PALM: variants seen among roughly 807,000 people sequenced by gnomAD.
PALM encodes the protein paralemmin-1.
In PALM, 18 loss-of-function variants were observed where a neutral mutation model predicts 30.7. The ratio of observed to expected loss-of-function variants is 0.59; its 90% confidence interval spans 0.41 to 0.87. The LOEUF (loss-of-function observed/expected upper bound fraction) is 0.87, where lower values mean the gene tolerates loss of function less well. Ranked by LOEUF, PALM falls within the 40% of genes least tolerant of loss-of-function variation. PALM has a pLI of 0.00. For missense variants in PALM, 529 were observed against 555.4 expected, an observed-to-expected ratio of 0.95 and a Z score of 0.48; for synonymous variants, 286 against 242.8, an observed-to-expected ratio of 1.18 and a Z score of -1.66.
chr19:728,221 G>C (rs1055105846), intron 4 of PALM, among the ~76,000 whole-genome samples: 2 of 152,210 alleles, frequency 1.3e-5, no homozygotes, highest in Non-Finnish European at 2.9e-5. Flanking sequence ...AATCCCTGTG[G>C]GGGCTGGGAC....
chr19:718,802 G>T (rs2032356239), intron 1 of PALM, among the ~76,000 whole-genome samples: 1 of 152,050 alleles, frequency 6.6e-6, no homozygotes, highest in South Asian at 2.1e-4. Flanking sequence ...AAGGGAAAGG[G>T]GAAGCTGGGA....
intron 1 of PALM, chr19:722,439 G>A (rs1280617216): frequency 6.6e-6 from 1 of 152,234 alleles, no homozygotes; most frequent in Non-Finnish European, 1.5e-5. Context: ...ATGTTGCCCA[G>A]GCTGGTCTCG....
At chr19:737,827 G>C (rs898455560) in intron 7 of PALM, among the ~76,000 whole-genome samples, 1 of 152,092 alleles carries the variant, frequency 6.6e-6, no homozygotes, top group African/African-American at 2.4e-5. Context: ...GATTGTTGAG[G>C]GCCCTGTGGC....
At chr19:715,758 T>C (rs2032235325) in intron 1 of PALM, among the ~76,000 whole-genome samples, 1 of 152,014 alleles carries the variant, frequency 6.6e-6, no homozygotes, top group African/African-American at 2.4e-5. Context: ...CAAGCCTTGA[T>C]TGTGGCTGCA....
Position 742,896 on chromosome 19 carries a change from C to T in PALM, c.634+2413C>T, listed in dbSNP as rs563670406. ...AAGTATTTGTTCACGCCCCTGCTTT[C>T]GAGGCCTTTGGGTGTACACGTAGGA... On this transcript the variant is annotated intron_variant, in intron 8 of 8. Coordinates refer to ENST00000338448, the MANE Select transcript of PALM (RefSeq NM_002579.3). This position sits in a 1 kb window ranked among gnomAD's most constrained non-coding sequence, Gnocchi z 5.5. Among the ~76,000 whole-genome samples, 1 of 152,278 alleles carries T rather than the reference C, an allele frequency of 6.6e-6. No individual in the cohort carries two copies. Among genetic ancestry groups the T allele is most frequent in the East Asian group, 1.9e-4 (1 of 5,178 alleles).
chr19:716,202 A>G (rs1439323295), intron 1 of PALM, among the ~76,000 whole-genome samples: 1 of 152,124 alleles, frequency 6.6e-6, no homozygotes, highest in Non-Finnish European at 1.5e-5. Flanking sequence ...ACCTGAGTTC[A>G]GGAGTTCGAG....
At position 709,549 on chromosome 19, in the gene PALM, G is replaced by T. The variant is rs2032000016; in HGVS notation, c.5+398G>T. Among the ~76,000 whole-genome samples the T allele has an allele frequency of 6.6e-6, 1 of 152,058 alleles. No individual in the cohort carries two copies. The highest frequency in any genetic ancestry group is 6.5e-5 in the Admixed American group (1 of 15,280). ...CCCCTCCCCAGATTGCACCGGTCCGGCCTCGCGCTCACGCACCCTTCCCCC... is the reference window on the plus strand; with the variant it reads ...CCCCTCCCCAGATTGCACCGGTCCGTCCTCGCGCTCACGCACCCTTCCCCC... On this transcript the variant is annotated intron_variant, in intron 1 of 8. Transcript: ENST00000338448. This position sits in a 1 kb window ranked among gnomAD's most constrained non-coding sequence, Gnocchi z 4.3.
In PALM at chr19:728,220, G is replaced by A. The variant is rs57806474; in HGVS notation, c.269+526G>A. 3.7e-3 allele frequency among the ~76,000 whole-genome samples: 560 copies of A among 152,316 alleles called. 24 individuals carry two copies. In the East Asian group the frequency reaches 0.09, roughly 25 times the overall value. On this transcript the variant is annotated intron_variant, in intron 4 of 8. Transcript: ENST00000338448. Reference sequence around the variant, plus strand: ...GGATGGGGAAAGTGGCAATCCCTGTGGGGGCTGGGACCAAAGGCCTGGAGT... The same window carrying A: ...GGATGGGGAAAGTGGCAATCCCTGTAGGGGCTGGGACCAAAGGCCTGGAGT...
chr19:738,393 G>A (rs565847429), intron 7 of PALM, among the ~76,000 whole-genome samples: 1 of 152,266 alleles, frequency 6.6e-6, no homozygotes, highest in South Asian at 2.1e-4. Flanking sequence ...GGGCATGGTG[G>A]CAGGTGCCTG....
At chr19:744,036 C>G (rs865776318) in intron 8 of PALM, among the ~76,000 whole-genome samples, 5 of 152,188 alleles carry the variant, frequency 3.3e-5, no homozygotes, top group South Asian at 2.1e-4. Flanking sequence ...TTTAAAAACA[C>G]CCTCTAAATA....
intron 1 of PALM, among the ~76,000 whole-genome samples, chr19:712,509 G>C (rs889865316): frequency 6.6e-6 from 1 of 150,836 alleles, no homozygotes; most frequent in Admixed American, 6.6e-5. Flanking sequence ...TCAGCCTCCC[G>C]AGTAGCTGGG....
chr19:742,626 AAAGAG>A lies in PALM; in HGVS notation c.634+2146_634+2150del, dbSNP rs2033226754. On this transcript the variant is annotated intron_variant, in intron 8 of 8. Coordinates refer to ENST00000338448, the MANE Select transcript of PALM (RefSeq NM_002579.3). The surrounding 1 kb of genome is among the most constrained non-coding windows in gnomAD (Gnocchi z 5.5). Reference sequence around the variant, plus strand: ...GTCTCAAAAAAAAAAAAAAGAAAGAAAAGAGAATAAATGGGGTCACACACTGCACG... The same window carrying A: ...GTCTCAAAAAAAAAAAAAAGAAAGAAAATAAATGGGGTCACACACTGCACG... 6.6e-6 allele frequency among the ~76,000 whole-genome samples: 1 copy of A among 151,354 alleles called. No homozygotes were observed. The highest frequency in any genetic ancestry group is 6.6e-5 in the Admixed American group (1 of 15,206).
At chr19:716,583 G>T (rs1251536322) in intron 1 of PALM, among the ~76,000 whole-genome samples, 2 of 152,154 alleles carry the variant, frequency 1.3e-5, no homozygotes, top group African/African-American at 4.8e-5. Context: ...GAAGGCCGGG[G>T]AGGGACAGAG....
intron 1 of PALM, among the ~76,000 whole-genome samples, chr19:718,043 G>A (rs985459978): frequency 6.6e-6 from 1 of 152,064 alleles, no homozygotes; most frequent in Non-Finnish European, 1.5e-5. Flanking sequence ...TTAGCCGGGC[G>A]TGGTGGCATG....
intron 1 of PALM, chr19:719,255 C>T (rs2032373142): frequency 1.0e-6 from 1 of 985,504 alleles, no homozygotes; most frequent in South Asian, 4.7e-5. Context: ...TGACCTTGGC[C>T]GTTGCGTAAC....
At chr19:739,702 G>A (rs904195713) in intron 7 of PALM, among the ~76,000 whole-genome samples, 3 of 151,988 alleles carry the variant, frequency 2.0e-5, no homozygotes, top group South Asian at 2.1e-4. Flanking sequence ...TAGGCTGGGC[G>A]CGGTGGCTCA....
chr19:738,188 C>T (rs2033078506), intron 7 of PALM, among the ~76,000 whole-genome samples: 1 of 151,954 alleles, frequency 6.6e-6, no homozygotes, highest in Non-Finnish European at 1.5e-5. Context: ...GTCAGGAGTT[C>T]AAGACCAGCC....
In PALM at chr19:746,773, G is replaced by C. The variant is rs748695684; in HGVS notation, c.1123G>C (p.Asp375His). 6.3e-7 allele frequency: 1 copy of C among 1,584,704 alleles called. No individual in the cohort carries two copies. The highest frequency in any genetic ancestry group is 1.1e-5 in the South Asian group (1 of 88,758). ...CACCACCAGCGACCCCCAGGACCTCGACATGAAGAAGCACCGTTGTAAATG... is the reference window on the plus strand; with the variant it reads ...CACCACCAGCGACCCCCAGGACCTCCACATGAAGAAGCACCGTTGTAAATG... ...EATTSDPQDL[D>H]MKKHRCKCCS... Residue 375 changes from aspartate (D) to histidine (H), a missense_variant, in exon 9 of 9, where the codon GAC becomes CAC. Transcript: ENST00000338448. The surrounding 1 kb of genome is among the most constrained non-coding windows in gnomAD (Gnocchi z 7.1).
chr19:738,788 G>A (rs1375062381), intron 7 of PALM, among the ~76,000 whole-genome samples: 1 of 152,136 alleles, frequency 6.6e-6, no homozygotes, highest in Non-Finnish European at 1.5e-5. Flanking sequence ...TGGGAGGAGG[G>A]AAACGAGGTG....
Sources: allele counts gnomAD v4.1 joint callset (sites outside exome capture counted in the v4.1 genomes callset), GRCh38; gene constraint gnomAD v4.1.1; non-coding constraint Gnocchi (gnomAD v3.1); transcripts MANE v1.5; gene names NCBI Gene and HGNC (gene_info 2026-07-23, HGNC 2026-07-21).